Variants in RPS6KC1 observed in about 807,000 individuals in gnomAD.
RPS6KC1 encodes the protein inactive ribosomal protein S6 kinase delta-1.
A neutral mutation model predicts 103.8 loss-of-function variants in RPS6KC1; 54 were observed. The observed-to-expected ratio is 0.52, with a 90% CI of 0.42 to 0.65. RPS6KC1 has a LOEUF of 0.65. RPS6KC1 is among the 30% of genes least tolerant of loss of function. The probability of loss-of-function intolerance (pLI) is 0.00; values close to 1 mark genes in which losing one functional copy is unlikely to be tolerated. For missense variants in RPS6KC1, 1,151 were observed against 1,253.8 expected, an observed-to-expected ratio of 0.92 and a Z score of 1.24; for synonymous variants, 439 against 438.7, an observed-to-expected ratio of 1.00 and a Z score of -0.01.
At chr1:213,068,580 GA>G (rs988357748) in intron 1 of RPS6KC1, among the ~76,000 whole-genome samples, 3 of 151,700 alleles carry the variant, frequency 2.0e-5, no homozygotes, top group African/African-American at 7.3e-5. Flanking sequence ...TGTGTGAGGG[GA>G]CAGGCTGGTA....
chr1:213,268,854 A>G (rs2094974365), intron 14 of RPS6KC1, among the ~76,000 whole-genome samples: 1 of 152,060 alleles, frequency 6.6e-6, no homozygotes, highest in Admixed American at 6.6e-5. Context: ...AAAAAAACCT[A>G]AAAACTAAAT....
chr1:213,739,942 G>A, the RPS6KC1 span, among the ~76,000 whole-genome samples: 1 of 152,116 alleles, frequency 6.6e-6, no homozygotes, highest in African/African-American at 2.4e-5. Flanking sequence ...AAAATTAATT[G>A]TGCCTGAGGA....
At chr1:213,523,315 T>C in the RPS6KC1 span, among the ~76,000 whole-genome samples, 4 of 152,212 alleles carry the variant, frequency 2.6e-5, no homozygotes, top group African/African-American at 9.6e-5. Flanking sequence ...CACAGATCAC[T>C]GTAACAGCTA....
At chr1:213,838,367 A>T in the RPS6KC1 span, among the ~76,000 whole-genome samples, 530 of 152,356 alleles carry the variant, frequency 3.5e-3, 4 homozygotes, top group African/African-American at 0.011. Flanking sequence ...GGAAGTTTTC[A>T]GGAAGTCTTT....
At chr1:213,589,912 G>A in the RPS6KC1 span, among the ~76,000 whole-genome samples, 7 of 26,844 alleles carry the variant, frequency 2.6e-4, no homozygotes. Flanking sequence ...CATGTGTTTT[G>A]CCTTATTCTT....
At chr1:213,424,373 T>C in the RPS6KC1 span, among the ~76,000 whole-genome samples, 3,275 of 152,228 alleles carry the variant, frequency 0.022, 110 homozygotes, top group African/African-American at 0.074. Flanking sequence ...TCTACACACA[T>C]GAAAAAAAAG....
At chr1:213,393,748 A>T in the RPS6KC1 span, among the ~76,000 whole-genome samples, 1 of 152,174 alleles carries the variant, frequency 6.6e-6, no homozygotes, top group Non-Finnish European at 1.5e-5. Context: ...GGAAATGGGG[A>T]ATGAATGGGA....
the RPS6KC1 span, among the ~76,000 whole-genome samples, chr1:213,330,392 A>C: frequency 2.6e-5 from 4 of 152,230 alleles, no homozygotes; most frequent in African/African-American, 9.6e-5. Flanking sequence ...GGAGTCTAGT[A>C]GGGAAGAGAG....
At chr1:213,618,661 A>G in the RPS6KC1 span, among the ~76,000 whole-genome samples, 1 of 152,222 alleles carries the variant, frequency 6.6e-6, no homozygotes, top group African/African-American at 2.4e-5. Context: ...ATTTGGGTTA[A>G]TATCAGAATG....
chr1:213,595,669 T>C, the RPS6KC1 span, among the ~76,000 whole-genome samples: 1 of 152,258 alleles, frequency 6.6e-6, no homozygotes, highest in Non-Finnish European at 1.5e-5. Context: ...TAGGACATCA[T>C]GGCAGCAGCT....
the RPS6KC1 span, among the ~76,000 whole-genome samples, chr1:213,683,170 T>C: frequency 6.6e-6 from 1 of 152,202 alleles, no homozygotes; most frequent in Non-Finnish European, 1.5e-5. Flanking sequence ...AGTAAGTTCA[T>C]CATGCTGATT....
At chr1:213,415,721 C>G in the RPS6KC1 span, among the ~76,000 whole-genome samples, 1 of 152,158 alleles carries the variant, frequency 6.6e-6, no homozygotes, top group African/African-American at 2.4e-5. Context: ...ATCCCTGGGA[C>G]CCCTCCCTAT....
At chr1:213,053,108 G>A (rs890820277) in intron 1 of RPS6KC1, among the ~76,000 whole-genome samples, 1 of 152,178 alleles carries the variant, frequency 6.6e-6, no homozygotes, top group Non-Finnish European at 1.5e-5. Flanking sequence ...AGAGTGAGGG[G>A]CCCTTATTAT....
At chr1:213,284,401 T>C in the RPS6KC1 span, among the ~76,000 whole-genome samples, 1 of 149,370 alleles carries the variant, frequency 6.7e-6, no homozygotes, top group Non-Finnish European at 1.5e-5. Context: ...TAATCTCAGC[T>C]ACTCAGGAGG....
At chr1:213,165,488 A>G (rs539875550) in intron 6 of RPS6KC1, among the ~76,000 whole-genome samples, 40 of 151,818 alleles carry the variant, frequency 2.6e-4, no homozygotes, top group Non-Finnish European at 4.9e-4. Flanking sequence ...CAGTGGCGCT[A>G]TCTTGGCTCA....
chr1:213,689,448 A>G, the RPS6KC1 span, among the ~76,000 whole-genome samples: 6 of 152,332 alleles, frequency 3.9e-5, no homozygotes, highest in South Asian at 2.1e-4. Context: ...GCATATGATC[A>G]AGAGCAATAC....
At chr1:213,608,439 T>A in the RPS6KC1 span, among the ~76,000 whole-genome samples, 2 of 152,154 alleles carry the variant, frequency 1.3e-5, no homozygotes, top group Admixed American at 1.3e-4. Flanking sequence ...AACTCAAGTG[T>A]CAGAAGGTTC....
chr1:213,161,224 G>T (rs2090443109), intron 6 of RPS6KC1, among the ~76,000 whole-genome samples: 3 of 152,074 alleles, frequency 2.0e-5, no homozygotes, highest in Admixed American at 2.0e-4. Flanking sequence ...TTTCACTCTG[G>T]TAGTTTATAT....
At chr1:213,707,758 A>G in the RPS6KC1 span, among the ~76,000 whole-genome samples, 1 of 152,190 alleles carries the variant, frequency 6.6e-6, no homozygotes, top group African/African-American at 2.4e-5. Context: ...TTTTCTGCAT[A>G]TGGCTAGCCA....
Sources: gnomAD v4.1 joint callset for allele counts (sites outside exome capture counted in the v4.1 genomes callset) on GRCh38, gnomAD v4.1.1 for gene constraint, MANE v1.5 for transcripts, NCBI Gene and HGNC (gene_info 2026-07-23, HGNC 2026-07-21) for gene names.